The following MACROD1 variants were observed in gnomAD, a reference collection of about 807,000 sequenced individuals.
MACROD1 encodes the protein mono-ADP ribosylhydrolase 1.
A neutral mutation model predicts 41.4 loss-of-function variants in MACROD1; 31 were observed. The observed-to-expected ratio is 0.75, with a 90% CI of 0.56 to 1.01. MACROD1 has a LOEUF of 1.01. MACROD1 is among the 50% of genes least tolerant of loss of function. The pLI, the probability that MACROD1 is intolerant of heterozygous loss-of-function variation, is 0.00. For missense variants in MACROD1, 473 were observed against 460.0 expected (o/e 1.03, Z -0.26); for synonymous variants, 252 against 203.4 (o/e 1.24, Z -2.03).
At chr11:64,030,651 G>A (rs974949821) in intron 3 of MACROD1, among the ~76,000 whole-genome samples, 2 of 152,132 alleles carry the variant, frequency 1.3e-5, no homozygotes, top group Non-Finnish European at 2.9e-5. Context: ...CATGTTGGCC[G>A]GTAGATGAAA....
At chr11:64,019,424 C>A (rs1041384403) in intron 3 of MACROD1, among the ~76,000 whole-genome samples, 1 of 152,196 alleles carries the variant, frequency 6.6e-6, no homozygotes, top group Non-Finnish European at 1.5e-5. Context: ...CCTCCTCTGC[C>A]CCAGCACTTG....
At chr11:64,127,130 C>T (rs1945195939) in intron 3 of MACROD1, among the ~76,000 whole-genome samples, 3 of 152,364 alleles carry the variant, frequency 2.0e-5, no homozygotes, top group Admixed American at 6.5e-5. Context: ...CACTGCGAAC[C>T]GCCCTTTGGC....
intron 1 of MACROD1, among the ~76,000 whole-genome samples, chr11:64,162,909 C>T (rs1055156836): frequency 6.6e-6 from 1 of 150,778 alleles, no homozygotes; most frequent in Non-Finnish European, 1.5e-5. Flanking sequence ...TCACGAGGTC[C>T]GGAGATCAAG....
At chr11:64,134,441 G>A (rs1289478718) in intron 3 of MACROD1, among the ~76,000 whole-genome samples, 1 of 152,200 alleles carries the variant, frequency 6.6e-6, no homozygotes, top group Non-Finnish European at 1.5e-5. Context: ...TGGGGGTAGG[G>A]GTGAGACTGG....
chr11:64,161,260 G>A (rs780115531), intron 1 of MACROD1, among the ~76,000 whole-genome samples: 1 of 152,176 alleles, frequency 6.6e-6, no homozygotes, highest in Non-Finnish European at 1.5e-5. Flanking sequence ...ATGAAAAAGA[G>A]GGAACCATTG....
intron 3 of MACROD1, among the ~76,000 whole-genome samples, chr11:64,029,360 A>C (rs537299008): frequency 6.6e-6 from 1 of 152,158 alleles, no homozygotes; most frequent in East Asian, 1.9e-4. Context: ...AGGCACAGTG[A>C]CGGGGTGGGG....
At chr11:64,055,726 T>C (rs1369523514) in intron 3 of MACROD1, among the ~76,000 whole-genome samples, 1 of 152,134 alleles carries the variant, frequency 6.6e-6, no homozygotes, top group Non-Finnish European at 1.5e-5. Flanking sequence ...TGATGGGCCA[T>C]GGGAGGGAGT....
chr11:64,136,760 T>G (rs1037831592), intron 3 of MACROD1, among the ~76,000 whole-genome samples: 4 of 152,148 alleles, frequency 2.6e-5, no homozygotes, highest in Non-Finnish European at 5.9e-5. Context: ...GAACACATCG[T>G]GACGTGGAAT....
At chr11:64,076,038 G>A (rs758155030) in intron 3 of MACROD1, among the ~76,000 whole-genome samples, 8 of 152,272 alleles carry the variant, frequency 5.3e-5, no homozygotes, top group Non-Finnish European at 8.8e-5. Flanking sequence ...GTTCCAAGTC[G>A]CTCTCTCAAT....
chr11:64,138,766 T>A (rs1945367991), intron 3 of MACROD1, among the ~76,000 whole-genome samples: 1 of 150,462 alleles, frequency 6.6e-6, no homozygotes, highest in Non-Finnish European at 1.5e-5. Flanking sequence ...GTGCCACTGA[T>A]GGGGATTTTT....
intron 3 of MACROD1, among the ~76,000 whole-genome samples, chr11:64,077,799 G>T (rs547487771): frequency 1.3e-5 from 2 of 152,212 alleles, no homozygotes; most frequent in Non-Finnish European, 2.9e-5. Flanking sequence ...CTGGGCCTCC[G>T]GCCGCCGCTC....
chr11:64,048,214 C>T (rs1025964234), intron 3 of MACROD1, among the ~76,000 whole-genome samples: 2 of 152,332 alleles, frequency 1.3e-5, no homozygotes, highest in South Asian at 2.1e-4. Context: ...CGGGGGCCTT[C>T]GAGGAGAGCT....
At chr11:64,079,109 A>G (rs79565128) in intron 3 of MACROD1, among the ~76,000 whole-genome samples, 2,209 of 117,880 alleles carry the variant, frequency 0.019, 46 homozygotes, top group African/African-American at 0.065. Context: ...GAGATGGTGC[A>G]GTGGGGGGCG....
intron 3 of MACROD1, among the ~76,000 whole-genome samples, chr11:64,073,722 A>G (rs890219405): frequency 7.2e-5 from 11 of 152,094 alleles, no homozygotes; most frequent in African/African-American, 2.2e-4. Context: ...TCGCCTCCCA[A>G]ACACACTCCT....
rs533753921 is a variant in MACROD1, at chr11:64,013,098, AG to A, written c.547+2153del. Among the ~76,000 whole-genome samples, 679 of 151,936 alleles carry A rather than the reference AG, an allele frequency of 4.5e-3. 7 individuals are homozygous for A. Among genetic ancestry groups the A allele is most frequent in the African/African-American group, 0.016 (645 of 41,470 alleles). On this transcript the variant is annotated intron_variant, in intron 4 of 10. Transcript: ENST00000255681. ...TCCTGCCTCGGCCTCCCAAAGTGCT[AG>A]GATTATAGGCTGGGATTACAAACAT... is the stretch of plus-strand genomic sequence containing the variant.
At chr11:64,021,224 A>G (rs895720644) in intron 3 of MACROD1, among the ~76,000 whole-genome samples, 7 of 152,184 alleles carry the variant, frequency 4.6e-5, no homozygotes, top group Non-Finnish European at 1.0e-4. Context: ...CCAGCTCTCT[A>G]CCATGGGCCA....
chr11:64,162,136 G>C (rs910349846), intron 1 of MACROD1, among the ~76,000 whole-genome samples: 4 of 152,098 alleles, frequency 2.6e-5, no homozygotes, highest in Admixed American at 6.6e-5. Context: ...GAGCTTAGGA[G>C]TTTGAGAACA....
At chr11:64,149,062 C>T (rs1243321022) in intron 3 of MACROD1, 7 of 982,830 alleles carry the variant, frequency 7.1e-6, no homozygotes, top group Admixed American at 6.2e-5. Flanking sequence ...CAGGAGAACA[C>T]ACCAAGAGGT....
rs73498162 is a variant in MACROD1 at position 64,082,456 on chromosome 11, G to C, written c.518-67175C>G. 3.0e-3 allele frequency among the ~76,000 whole-genome samples: 452 copies of C among 152,180 alleles called. 3 individuals carry two copies. The highest frequency in any genetic ancestry group is 1.0e-2 in the African/African-American group (414 of 41,514). On this transcript the variant is annotated intron_variant, in intron 3 of 10. Coordinates refer to ENST00000255681, the MANE Select transcript of MACROD1 (RefSeq NM_014067.4). The surrounding 1 kb of genome is among the most constrained non-coding windows in gnomAD (Gnocchi z 4.5). Reference sequence around the variant, plus strand: ...GGCAGGTGAGGGGCTTGAGGGCAGGGCTGAGGGACTGAGGGCCAGGCTGGG... The same window carrying C: ...GGCAGGTGAGGGGCTTGAGGGCAGGCCTGAGGGACTGAGGGCCAGGCTGGG...
Sources: allele counts gnomAD v4.1 joint callset (sites outside exome capture counted in the v4.1 genomes callset), GRCh38; gene constraint gnomAD v4.1.1; non-coding constraint Gnocchi (gnomAD v3.1); transcripts MANE v1.5; gene names NCBI Gene and HGNC (gene_info 2026-07-23, HGNC 2026-07-21).